Variants in FXR1 observed in about 807,000 individuals in gnomAD.
FXR1 encodes the protein FMR1 autosomal homolog 1.
FXR1 carries 15 observed loss-of-function variants against 84.0 expected under a neutral mutation model. That is an observed-to-expected ratio of 0.18 (90% CI 0.12 to 0.27). The LOEUF is 0.27. Ranked by LOEUF, FXR1 falls within the 10% of genes least tolerant of loss-of-function variation. The pLI, the probability that FXR1 is intolerant of heterozygous loss-of-function variation, is 1.00. For synonymous variants in FXR1, 245 were observed against 250.7 expected, an observed-to-expected ratio of 0.98 and a Z score of 0.21; for missense variants, 480 against 774.4, an observed-to-expected ratio of 0.62 and a Z score of 4.51.
intron 8 of FXR1, among the ~76,000 whole-genome samples, 163 bp from the exon 9 acceptor site, chr3:180,953,599 T>C (rs1330112450): frequency 6.6e-6 from 1 of 152,236 alleles, no homozygotes. Flanking sequence ...TTAAGTACTT[T>C]GTGAATCACT....
intron 13 of FXR1, among the ~76,000 whole-genome samples, chr3:180,966,557 A>G (rs541590806): frequency 6.6e-6 from 1 of 152,218 alleles, no homozygotes; most frequent in Non-Finnish European, 1.5e-5. Flanking sequence ...GAGTTTAGCA[A>G]ATGAACTTCA....
chr3:180,979,953 C>T lies in FXR1; in HGVS notation c.*3661C>T, dbSNP rs1714533124. 2 of 152,136 alleles carry T rather than the reference C, an allele frequency of 1.3e-5. No individual in the cohort carries two copies. The highest frequency in any genetic ancestry group is 4.1e-4 in the South Asian group (2 of 4,824). 9.4% of individuals were successfully genotyped at this position (152,136 alleles called of 1,614,324 possible). ...ATATTCTAGTTTTGTAAGATGATTTCCCACAGTCCATTTGCTTATTTCTTC... is the reference window on the plus strand; with the variant it reads ...ATATTCTAGTTTTGTAAGATGATTTTCCACAGTCCATTTGCTTATTTCTTC... On this transcript the variant is annotated 3_prime_UTR_variant, in exon 17 of 17. Coordinates refer to ENST00000357559, the MANE Select transcript of FXR1 (RefSeq NM_005087.4).
intron 1 of FXR1, among the ~76,000 whole-genome samples, chr3:180,922,038 G>A (rs2108427209): frequency 6.6e-6 from 1 of 152,224 alleles, no homozygotes; most frequent in Middle Eastern, 3.4e-3. Context: ...CTATTTTCAT[G>A]TGGAGTATGA....
chr3:180,947,733 T>G (rs955582155), intron 3 of FXR1, 132 bp from the exon 4 acceptor site: 5 of 461,740 alleles, frequency 1.1e-5, no homozygotes, highest in African/African-American at 4.0e-5. Flanking sequence ...TAAATTGCAT[T>G]TAATATGCCA....
At chr3:180,916,902 T>C (rs1287654035) in intron 1 of FXR1, among the ~76,000 whole-genome samples, 1 of 152,146 alleles carries the variant, frequency 6.6e-6, no homozygotes, top group African/African-American at 2.4e-5. Context: ...TGGTGCAATC[T>C]TGGCTGGCTG....
chr3:180,936,359 C>T (rs185012203), intron 3 of FXR1, among the ~76,000 whole-genome samples: 2 of 152,278 alleles, frequency 1.3e-5, no homozygotes, highest in Admixed American at 6.5e-5. Flanking sequence ...CCTCCTCTTC[C>T]CAGGTTCAAG....
At chr3:180,918,458 G>A (rs62291430) in intron 1 of FXR1, among the ~76,000 whole-genome samples, 7,288 of 152,164 alleles carry the variant, frequency 0.048, 190 homozygotes, top group Non-Finnish European at 0.051. Context: ...ATTTTTCAAA[G>A]TAACTTTTAG....
At chr3:180,955,938 C>T (rs1431188283) in intron 9 of FXR1, among the ~76,000 whole-genome samples, 4 of 152,140 alleles carry the variant, frequency 2.6e-5, no homozygotes, top group Admixed American at 1.3e-4. Flanking sequence ...TACACATTAG[C>T]AGTGACTATT....
intron 1 of FXR1, among the ~76,000 whole-genome samples, chr3:180,916,112 G>C (rs1231401460): frequency 6.6e-6 from 1 of 152,084 alleles, no homozygotes; most frequent in Non-Finnish European, 1.5e-5. Context: ...TAGCATCTTA[G>C]GTTTTATACT....
Position 180,970,063 on chromosome 3 carries a change from A to C in FXR1, c.1403-95A>C, listed in dbSNP as rs959380674. The C allele has an allele frequency of 2.6e-5, 15 of 587,034 alleles. No individual in the cohort carries two copies. In the African/African-American group the frequency reaches 2.8e-4, roughly 11 times the overall value. 36.4% of individuals were successfully genotyped at this position (587,034 alleles called of 1,614,324 possible). A position where few individuals can be genotyped will look rare whatever the true frequency, so the allele number is the denominator to read the frequency against. On this transcript the variant is annotated intron_variant, in intron 14 of 16. Transcript: ENST00000357559. ...AGTGCATTTTTATTGGGGGAGACTG[A>C]AGTTTATTTGTCATTGATATAGTTC...
rs1714650797 is a variant in FXR1 at position 180,982,333 on chromosome 3, C to G, written c.*6041C>G. 1 of 141,870 alleles carries G rather than the reference C, an allele frequency of 7.0e-6. No individual in the cohort carries two copies. Among genetic ancestry groups the G allele is most frequent in the South Asian group, 2.3e-4 (1 of 4,440 alleles). The allele number at this position is 141,870 out of a possible 1,614,324, so 8.8% of individuals were successfully genotyped here. A position where few individuals can be genotyped will look rare whatever the true frequency, so the allele number is the denominator to read the frequency against. On this transcript the variant is annotated 3_prime_UTR_variant, in exon 17 of 17. Coordinates refer to ENST00000357559, the MANE Select transcript of FXR1 (RefSeq NM_005087.4). The stretch of plus-strand genomic sequence containing the variant: ...TTATGGATCGTATTTGTATCAATCA[C>G]CTACATGATCTAGAGCCCTCACATG...
chr3:180,944,230 A>T lies in FXR1; in HGVS notation c.199-3635A>T, dbSNP rs115443241. Reference sequence around the variant, plus strand: ...GCCCGGCCTAGAATATTCTTTTTGTAACCCTCAGTATACTTGGGAAAACAG... The same window carrying T: ...GCCCGGCCTAGAATATTCTTTTTGTTACCCTCAGTATACTTGGGAAAACAG... On this transcript the variant is annotated intron_variant, in intron 3 of 16. Coordinates refer to ENST00000357559, the MANE Select transcript of FXR1 (RefSeq NM_005087.4). Among the ~76,000 whole-genome samples the T allele has an allele frequency of 2.2e-3, 342 of 152,090 alleles. 1 individual carries two copies. The highest frequency in any genetic ancestry group is 7.9e-3 in the African/African-American group (330 of 41,514).
At chr3:180,942,662 C>A (rs1476153359) in intron 3 of FXR1, among the ~76,000 whole-genome samples, 1 of 152,100 alleles carries the variant, frequency 6.6e-6, no homozygotes, top group Non-Finnish European at 1.5e-5. Context: ...GGCTTCTCAT[C>A]ATGGTCACTC....
chr3:180,977,868 C>T lies in FXR1; in HGVS notation c.*1576C>T, dbSNP rs1316992428. On this transcript the variant is annotated 3_prime_UTR_variant, in exon 17 of 17. Coordinates refer to ENST00000357559, the MANE Select transcript of FXR1 (RefSeq NM_005087.4). Reference sequence around the variant, plus strand: ...CAATGTGCCAGTTCAGTATATATAACCCTAGCCCTCAAATTATTCTGATTA... The same window carrying T: ...CAATGTGCCAGTTCAGTATATATAATCCTAGCCCTCAAATTATTCTGATTA... The T allele has an allele frequency of 1.3e-5, 2 of 151,950 alleles. No homozygotes were observed. The highest frequency in any genetic ancestry group is 2.9e-5 in the Non-Finnish European group (2 of 67,938). The allele number at this position is 151,950 out of a possible 1,614,324, so 9.4% of individuals were successfully genotyped here.
intron 3 of FXR1, among the ~76,000 whole-genome samples, chr3:180,940,657 A>G (rs1290515527): frequency 1.3e-5 from 2 of 150,718 alleles, no homozygotes; most frequent in East Asian, 1.9e-4. Flanking sequence ...GCTCAGCGCA[A>G]CCTCCGCCTC....
At chr3:180,927,799 A>AT in intron 1 of FXR1, 1 of 425,942 alleles carries the variant, frequency 2.3e-6, no homozygotes, top group Non-Finnish European at 4.1e-6. Context: ...TTAAAATTAC[A>AT]TTTTTTCCTG....
Position 180,981,322 on chromosome 3 carries a change from A to C in FXR1, c.*5030A>C, listed in dbSNP as rs1009783670. 9 of 152,054 alleles carry C rather than the reference A, an allele frequency of 5.9e-5. No individual in the cohort carries two copies. Among genetic ancestry groups the C allele is most frequent in the African/African-American group, 2.2e-4 (9 of 41,442 alleles). The allele number at this position is 152,054 out of a possible 1,614,324, so 9.4% of individuals were successfully genotyped here. ...CTTTCAGTGTGGCAATATATTAAGA[A>C]GCTAGTTCCCTAATTTTTCTCAGTT... is the stretch of plus-strand genomic sequence containing the variant. On this transcript the variant is annotated 3_prime_UTR_variant, in exon 17 of 17. Transcript: ENST00000357559.
Position 180,935,318 on chromosome 3 carries a change from G to T in FXR1, c.198+87G>T, listed in dbSNP as rs112173358. 6.5e-4 allele frequency: 428 copies of T among 657,626 alleles called. 2 individuals carry two copies. The highest frequency in any genetic ancestry group is 2.3e-3 in the Middle Eastern group (9 of 3,942). 40.7% of individuals were successfully genotyped at this position (657,626 alleles called of 1,614,324 possible). A position where few individuals can be genotyped will look rare whatever the true frequency, so the allele number is the denominator to read the frequency against. On this transcript the variant is annotated intron_variant, in intron 3 of 16. Coordinates refer to ENST00000357559, the MANE Select transcript of FXR1 (RefSeq NM_005087.4). ...AGGAGAATTAGCTTAGTTGATGGAG[G>T]ATAAATCTAATTCATTTTCTCTATT...
intron 3 of FXR1, among the ~76,000 whole-genome samples, chr3:180,944,962 TCTAA>T (rs1024649548): frequency 6.6e-6 from 1 of 152,222 alleles, no homozygotes; most frequent in Non-Finnish European, 1.5e-5. Flanking sequence ...ACATAGCAAA[TCTAA>T]CTTTTTCATA....
Sources: allele counts gnomAD v4.1 joint callset (sites outside exome capture counted in the v4.1 genomes callset), GRCh38; gene constraint gnomAD v4.1.1; transcripts MANE v1.5; gene names NCBI Gene and HGNC (gene_info 2026-07-23, HGNC 2026-07-21).